The following NOX4 variants were observed in gnomAD, a reference collection of about 807,000 sequenced individuals.
NOX4 encodes kidney oxidase-1.
NOX4 carries 69 observed loss-of-function variants against 87.6 expected under a neutral mutation model. The ratio of observed to expected loss-of-function variants is 0.79; its 90% CI spans 0.65 to 0.96. NOX4 has a LOEUF of 0.96. Among genes scored for constraint, NOX4 ranks in the 40% least tolerant of loss-of-function variants. The pLI, the probability that NOX4 is intolerant of heterozygous loss-of-function variation, is 0.00. For missense variants in NOX4, 680 were observed against 681.5 expected (o/e 1.00, Z 0.02); for synonymous variants, 275 against 238.2 (o/e 1.15, Z -1.42).
chr11:89,400,255 A>T lies in NOX4; in HGVS notation c.971T>A (p.Ile324Asn), dbSNP rs748486811. 3.0e-5 allele frequency: 48 copies of T among 1,612,842 alleles called. No individual in the cohort carries two copies. The Admixed American group carries it at 8.0e-4, about 27-fold the overall frequency. The change falls in exon 10 of 18, where the codon ATC becomes AAC. Residue 324 changes from isoleucine (I) to asparagine (N), a missense_variant. Physicochemically the swap from Ile to Asn is moderately radical, Grantham distance 149. Transcript: ENST00000263317. ...TTTAAAATTTTCTTTGACCATTCGG[A>T]TTTCCATGACATCTGAGGGATGACT... ...VMSHPSDVME[I>N]RMVKENFKAR...
intron 13 of NOX4, among the ~76,000 whole-genome samples, chr11:89,352,190 T>C (rs1316465897): frequency 6.6e-6 from 1 of 152,142 alleles, no homozygotes; most frequent in Non-Finnish European, 1.5e-5. Flanking sequence ...ATGGATACCC[T>C]AAAAGCCCTG....
chr11:89,356,295 G>C (rs1053413442), intron 12 of NOX4, among the ~76,000 whole-genome samples: 1 of 151,912 alleles, frequency 6.6e-6, no homozygotes, highest in African/African-American at 2.4e-5. Context: ...AAATAAATAA[G>C]TGAATGACGG....
At chr11:89,401,000 C>T (rs1941817069) in intron 9 of NOX4, among the ~76,000 whole-genome samples, 2 of 151,986 alleles carry the variant, frequency 1.3e-5, no homozygotes, top group African/African-American at 4.8e-5. Context: ...ATATGTGTTG[C>T]ATGGTTAGCC....
At chr11:89,405,080 TTGTG>T (rs71472257) in intron 8 of NOX4, among the ~76,000 whole-genome samples, 2,193 of 133,276 alleles carry the variant, frequency 0.016, 52 homozygotes, top group African/African-American at 0.057. Context: ...AAAAGTCAGA[TTGTG>T]TGTGTGTGTG....
intron 13 of NOX4, 25 bp from the exon 14 acceptor site, chr11:89,342,218 G>C: frequency 1.9e-6 from 3 of 1,581,990 alleles, no homozygotes; most frequent in Non-Finnish European, 2.6e-6. Context: ...GAAAAAGGTG[G>C]GAAAAAAATG....
chr11:89,375,773 C>T (rs1171825995), intron 11 of NOX4, among the ~76,000 whole-genome samples: 1 of 152,168 alleles, frequency 6.6e-6, no homozygotes, highest in Non-Finnish European at 1.5e-5. Context: ...GCAAGATACC[C>T]AACAGAGATC....
At chr11:89,568,787 C>A in the NOX4 span, among the ~76,000 whole-genome samples, 2 of 152,102 alleles carry the variant, frequency 1.3e-5, no homozygotes, top group African/African-American at 2.4e-5. Context: ...CAACAGTAAC[C>A]AAAGCAGCAT....
chr11:89,384,169 C>T (rs1469761285), intron 11 of NOX4, among the ~76,000 whole-genome samples: 2 of 152,098 alleles, frequency 1.3e-5, no homozygotes, highest in Non-Finnish European at 2.9e-5. Flanking sequence ...GGTGCCAAAC[C>T]CATATACTCT....
chr11:89,537,834 T>G, the NOX4 span, among the ~76,000 whole-genome samples: 1 of 152,158 alleles, frequency 6.6e-6, no homozygotes, highest in African/African-American at 2.4e-5. Context: ...AGCAAGCACA[T>G]ACGACATAAA....
chr11:89,380,828 A>C (rs1438234461), intron 11 of NOX4, among the ~76,000 whole-genome samples: 1 of 152,160 alleles, frequency 6.6e-6, no homozygotes, highest in Non-Finnish European at 1.5e-5. Flanking sequence ...TATGGTTAAG[A>C]TAACATTGTC....
chr11:89,340,265 G>T, intron 14 of NOX4, 94 bp from the exon 15 acceptor site: 1 of 777,586 alleles, frequency 1.3e-6, no homozygotes, highest in Non-Finnish European at 2.1e-6. Flanking sequence ...TCATTAGTAA[G>T]CAACCAATAG....
chr11:89,398,032 A>T (rs1941601393), intron 11 of NOX4, among the ~76,000 whole-genome samples: 1 of 152,156 alleles, frequency 6.6e-6, no homozygotes, highest in African/African-American at 2.4e-5. Context: ...ATTGTAGACC[A>T]ATATCCCTGA....
At chr11:89,405,567 T>A (rs1591139923) in intron 8 of NOX4, among the ~76,000 whole-genome samples, 1 of 151,830 alleles carries the variant, frequency 6.6e-6, no homozygotes, top group South Asian at 2.1e-4. Context: ...GTTGTAACTC[T>A]TGCCACCAAA....
intron 11 of NOX4, among the ~76,000 whole-genome samples, chr11:89,399,440 T>TAAAA (rs1565238827): frequency 9.1e-6 from 1 of 110,182 alleles, no homozygotes; most frequent in Non-Finnish European, 1.8e-5. Flanking sequence ...TAAATATATA[T>TAAAA]ATATATATAT....
chr11:89,473,319 G>A (rs1946022981), intron 2 of NOX4, among the ~76,000 whole-genome samples: 1 of 152,106 alleles, frequency 6.6e-6, no homozygotes, highest in East Asian at 1.9e-4. Context: ...ATTACTGAGC[G>A]TTTAGTTACC....
intron 4 of NOX4, among the ~76,000 whole-genome samples, chr11:89,448,800 T>C (rs190106214): frequency 4.2e-4 from 64 of 152,190 alleles, no homozygotes; most frequent in Admixed American, 2.8e-3. Flanking sequence ...GGAGGATGGC[T>C]TAAGCCTGGG....
At chr11:89,553,448 T>C in the NOX4 span, among the ~76,000 whole-genome samples, 2 of 152,186 alleles carry the variant, frequency 1.3e-5, no homozygotes, top group African/African-American at 4.8e-5. Flanking sequence ...TGTGAGTCAA[T>C]TAAACCTCTT....
rs186402279 is a variant in NOX4, at chr11:89,332,875, C to A, written c.1616+2970G>T. On this transcript the variant is annotated intron_variant, in intron 17 of 17. Transcript: ENST00000263317. ...TGACTCCCAAAGCTCCTTCACTTTC[C>A]ATGATCATATAATACCATCATATAA... 3.6e-3 allele frequency among the ~76,000 whole-genome samples: 540 copies of A among 151,838 alleles called. 1 individual carries two copies. Among genetic ancestry groups the A allele is most frequent in the Non-Finnish European group, 5.4e-3 (369 of 67,792 alleles).
intron 2 of NOX4, among the ~76,000 whole-genome samples, chr11:89,485,070 T>G (rs1166465379): frequency 6.6e-6 from 1 of 152,164 alleles, no homozygotes; most frequent in Non-Finnish European, 1.5e-5. Flanking sequence ...CCTTAAGAAA[T>G]TCACATGACA....
Sources: gnomAD v4.1 joint callset for allele counts (sites outside exome capture counted in the v4.1 genomes callset) on GRCh38, gnomAD v4.1.1 for gene constraint, MANE v1.5 for transcripts, NCBI Gene and HGNC (gene_info 2026-07-23, HGNC 2026-07-21) for gene names.